Variants in HERC5 observed in about 807,000 individuals in gnomAD.
HERC5 encodes the protein E3 ISG15--protein ligase HERC5.
HERC5 carries 99 observed loss-of-function variants against 119.6 expected under a neutral mutation model. That is an observed-to-expected ratio of 0.83 (90% CI 0.70 to 0.98). The LOEUF is 0.98. Ranked by LOEUF, HERC5 falls within the 50% of genes least tolerant of loss-of-function variation. The pLI, the probability that HERC5 is intolerant of heterozygous loss-of-function variation, is 0.00. For synonymous variants in HERC5, 478 were observed against 445.9 expected (o/e 1.07, Z -0.91); for missense variants, 1,267 against 1,241.3 (o/e 1.02, Z -0.31).
chr4:88,485,408 G>T (rs1291345553), intron 13 of HERC5, among the ~76,000 whole-genome samples: 2 of 152,210 alleles, frequency 1.3e-5, no homozygotes, highest in Non-Finnish European at 2.9e-5. Context: ...GGGTGAAACA[G>T]TCTCACCAGA....
At chr4:88,483,049 A>G (rs1249537815) in intron 13 of HERC5, among the ~76,000 whole-genome samples, 2 of 151,792 alleles carry the variant, frequency 1.3e-5, no homozygotes, top group African/African-American at 4.8e-5. Context: ...ACGTTTTATT[A>G]TTTTCCTTTG....
Position 88,486,242 on chromosome 4 carries a change from G to A in HERC5, c.1851+14G>A. 3 of 1,436,882 alleles carry A rather than the reference G, an allele frequency of 2.1e-6. No individual in the cohort carries two copies. Among genetic ancestry groups the A allele is most frequent in the East Asian group, 2.3e-5 (1 of 43,492 alleles). 89.0% of individuals were successfully genotyped at this position (1,436,882 alleles called of 1,614,324 possible). A position where few individuals can be genotyped will look rare whatever the true frequency, so the allele number is the denominator to read the frequency against. ...AAAATGACTGTGGTAGGTATAGCAT[G>A]TTTAAAGGGGGAAATTGATAATCAG... On this transcript the variant is annotated intron_variant, in intron 14 of 22. Transcript: ENST00000264350.
In HERC5 at chr4:88,476,593, G is replaced by A. The variant is rs118103566; in HGVS notation, c.1582+563G>A. The stretch of plus-strand genomic sequence containing the variant: ...ATTTGAAAATAAGTTGAAGACATGA[G>A]ATTTCACTCATAATATTTCACCATT... On this transcript the variant is annotated intron_variant, in intron 12 of 22. Transcript: ENST00000264350. 6.3e-3 allele frequency among the ~76,000 whole-genome samples: 954 copies of A among 152,258 alleles called. 5 individuals are homozygous for A. Among genetic ancestry groups the A allele is most frequent in the Middle Eastern group, 0.017 (5 of 294 alleles).
intron 7 of HERC5, among the ~76,000 whole-genome samples, 192 bp from the exon 8 acceptor site, chr4:88,468,152 CTA>C (rs1357387801): frequency 2.0e-5 from 3 of 152,142 alleles, no homozygotes; most frequent in Admixed American, 6.5e-5. Flanking sequence ...TGTGAATTAC[CTA>C]TGTTTGCCAA....
Position 88,501,880 on chromosome 4 carries a change from C to T in HERC5, c.2582+895C>T, listed in dbSNP as rs368791165. ...GTGGCGCAATCTTGGCTCACTGCAA[C>T]CTCCGCCTCCCGGGTTCAAGCGATT... On this transcript the variant is annotated intron_variant, in intron 20 of 22. Transcript: ENST00000264350. 9.9e-5 allele frequency among the ~76,000 whole-genome samples: 15 copies of T among 152,206 alleles called. No individual in the cohort carries two copies. In the East Asian group the frequency reaches 1.5e-3, roughly 16 times the overall value.
intron 11 of HERC5, among the ~76,000 whole-genome samples, chr4:88,475,631 A>G (rs1741036771): frequency 6.6e-6 from 1 of 152,096 alleles, no homozygotes. Context: ...AATTGAATGG[A>G]GAGAATACTA....
intron 10 of HERC5, among the ~76,000 whole-genome samples, chr4:88,471,072 A>G (rs546806698): frequency 3.9e-5 from 6 of 152,134 alleles, no homozygotes; most frequent in Admixed American, 2.6e-4. Flanking sequence ...CCTAGGCTCA[A>G]GCAGTCCTCC....
At chr4:88,484,251 C>T (rs1185025951) in intron 13 of HERC5, among the ~76,000 whole-genome samples, 1 of 151,954 alleles carries the variant, frequency 6.6e-6, no homozygotes, top group Admixed American at 6.6e-5. Flanking sequence ...AATATATATG[C>T]CTTATAACTC....
At chr4:88,502,462 C>T (rs1353924985) in intron 20 of HERC5, among the ~76,000 whole-genome samples, 1 of 152,010 alleles carries the variant, frequency 6.6e-6, no homozygotes, top group East Asian at 1.9e-4. Flanking sequence ...TTCCGTGGGG[C>T]CAGGGTCAGG....
At chr4:88,502,512 C>G (rs1216001972) in intron 20 of HERC5, among the ~76,000 whole-genome samples, 1 of 152,016 alleles carries the variant, frequency 6.6e-6, no homozygotes, top group Non-Finnish European at 1.5e-5. Flanking sequence ...GAAATTTAAG[C>G]CACGCAGCCA....
intron 8 of HERC5, among the ~76,000 whole-genome samples, chr4:88,468,703 A>G (rs1740761711): frequency 1.3e-5 from 2 of 152,320 alleles, no homozygotes; most frequent in Admixed American, 6.5e-5. Context: ...TATCCTTGCA[A>G]ACAACAGAGT....
intron 3 of HERC5, among the ~76,000 whole-genome samples, chr4:88,460,558 G>C (rs1740393325): frequency 6.6e-6 from 1 of 152,184 alleles, no homozygotes; most frequent in Non-Finnish European, 1.5e-5. Context: ...TTTGTGGCCA[G>C]GCTGCAGACC....
chr4:88,467,019 G>A (rs760632109), intron 6 of HERC5, 40 bp from the exon 7 acceptor site: 5 of 1,602,836 alleles, frequency 3.1e-6, no homozygotes, highest in South Asian at 1.1e-5. Context: ...TCATCATTGT[G>A]GATAATTAAG....
chr4:88,504,890 T>G lies in HERC5; in HGVS notation c.2869+293T>G, dbSNP rs923215565. 2.0e-5 allele frequency among the ~76,000 whole-genome samples: 3 copies of G among 152,236 alleles called. No homozygotes were observed. The East Asian group carries it at 5.8e-4, about 29-fold the overall frequency. ...TCATCATTCACTTATTCAGCCTTTT[T>G]GGGATTAACTAAAATATTTTATTTG... On this transcript the variant is annotated intron_variant, in intron 22 of 22. Coordinates refer to ENST00000264350, the MANE Select transcript of HERC5 (RefSeq NM_016323.4).
chr4:88,467,028 A>C (rs1442820054), intron 6 of HERC5, 31 bp from the exon 7 acceptor site: 1 of 1,609,418 alleles, frequency 6.2e-7, no homozygotes, highest in South Asian at 1.1e-5. Flanking sequence ...TGGATAATTA[A>C]GAATTGACCA....
intron 15 of HERC5, among the ~76,000 whole-genome samples, chr4:88,487,839 T>G (rs1193721634): frequency 1.3e-5 from 2 of 152,200 alleles, no homozygotes; most frequent in Admixed American, 1.3e-4. Flanking sequence ...CCCTGCCGCA[T>G]TGCAATTTAA....
At chr4:88,468,253 A>G in intron 7 of HERC5, 93 bp from the exon 8 acceptor site, 1 of 861,932 alleles carries the variant, frequency 1.2e-6, no homozygotes, top group Non-Finnish European at 1.8e-6. Context: ...AAAGATGACT[A>G]CGTTTAAGAA....
At chr4:88,472,376 T>G (rs201145366) in intron 10 of HERC5, 33 bp from the exon 11 acceptor site, 28 of 1,296,454 alleles carry the variant, frequency 2.2e-5, no homozygotes, top group Non-Finnish European at 3.1e-5. Context: ...GGAGATAATC[T>G]AACAAAATAC....
At chr4:88,469,636 G>A (rs1740797278) in intron 9 of HERC5, among the ~76,000 whole-genome samples, 1 of 152,132 alleles carries the variant, frequency 6.6e-6, no homozygotes, top group Non-Finnish European at 1.5e-5. Flanking sequence ...TTCTCTTAAG[G>A]CCTTCAACTG....
Sources: allele counts gnomAD v4.1 joint callset (sites outside exome capture counted in the v4.1 genomes callset), GRCh38; gene constraint gnomAD v4.1.1; transcripts MANE v1.5; gene names NCBI Gene and HGNC (gene_info 2026-07-23, HGNC 2026-07-21).